The following FAM199X variants were observed in gnomAD, a reference collection of about 807,000 sequenced individuals.
FAM199X encodes family with sequence similarity 199, X-linked.
A neutral mutation model predicts 22.9 loss-of-function variants in FAM199X; 4 were observed. The ratio of observed to expected loss-of-function variants is 0.17; its 90% confidence interval spans 0.09 to 0.40. The LOEUF (loss-of-function observed/expected upper bound fraction) is 0.40. Ranked by LOEUF, FAM199X falls within the 10% of genes least tolerant of loss-of-function variation. The pLI is 1.00. For synonymous variants in FAM199X, 101 were observed against 112.3 expected, an observed-to-expected ratio of 0.90 and a Z score of 0.64; for missense variants, 183 against 306.8, an observed-to-expected ratio of 0.60 and a Z score of 3.01.
chrX:104,186,953 A>G (rs901941192), intron 4 of FAM199X, among the ~76,000 whole-genome samples: 11 of 111,894 alleles, frequency 9.8e-5, no homozygotes, highest in Non-Finnish European at 1.3e-4. Context: ...TCAAAATACT[A>G]ATTAATGAGA....
intron 1 of FAM199X, among the ~76,000 whole-genome samples, chrX:104,167,533 G>A (rs1197366314): frequency 9.2e-6 from 1 of 108,380 alleles, no homozygotes; most frequent in African/African-American, 3.4e-5. Context: ...TTTTAGTTGA[G>A]CGCTAGGAAA....
At chrX:104,178,973 T>C (rs1921568519) in intron 2 of FAM199X, among the ~76,000 whole-genome samples, 1 of 110,938 alleles carries the variant, frequency 9.0e-6, no homozygotes, top group Non-Finnish European at 1.9e-5. Flanking sequence ...TTAAAAAAAA[T>C]GCAAAAATTT....
intron 2 of FAM199X, among the ~76,000 whole-genome samples, chrX:104,181,428 C>T (rs1329604982): frequency 8.9e-6 from 1 of 112,121 alleles, no homozygotes; most frequent in African/African-American, 3.2e-5. Flanking sequence ...GACTACTTGA[C>T]ATTTCCACTT....
At chrX:104,160,889 A>G in the FAM199X span, among the ~76,000 whole-genome samples, 1 of 111,546 alleles carries the variant, frequency 9.0e-6, no homozygotes, top group Non-Finnish European at 1.9e-5. Flanking sequence ...TAAATAATGT[A>G]TAGTCACTGA....
At chrX:104,173,060 C>T (rs1241184006) in intron 1 of FAM199X, among the ~76,000 whole-genome samples, 1 of 111,381 alleles carries the variant, frequency 9.0e-6, no homozygotes, top group Non-Finnish European at 1.9e-5. Context: ...CCACAGACTC[C>T]TGGGCTCCAG....
intron 1 of FAM199X, among the ~76,000 whole-genome samples, chrX:104,170,908 C>G (rs946321541): frequency 9.0e-6 from 1 of 111,604 alleles, no homozygotes; most frequent in East Asian, 2.8e-4. Flanking sequence ...TGTTGGACTC[C>G]AGAATAGCAG....
At chrX:104,178,815 T>C (rs1194722390) in intron 2 of FAM199X, among the ~76,000 whole-genome samples, 2 of 111,918 alleles carry the variant, frequency 1.8e-5, no homozygotes, top group African/African-American at 6.5e-5. Context: ...GAAATTGAGA[T>C]GTGTTAGTTC....
upstream of FAM199X, among the ~76,000 whole-genome samples, chrX:104,164,846 C>T (rs919770313): frequency 1.2e-4 from 13 of 111,520 alleles, no homozygotes; most frequent in African/African-American, 4.3e-4. Flanking sequence ...CCCCAATACA[C>T]TCTAGCCTGA....
At chrX:104,189,154 GA>G (rs1384799234) in intron 5 of FAM199X, among the ~76,000 whole-genome samples, 2 of 95,031 alleles carry the variant, frequency 2.1e-5, no homozygotes, top group African/African-American at 3.3e-5. Context: ...AAAAAGGCAT[GA>G]TTTTTTTTTT....
intron 1 of FAM199X, among the ~76,000 whole-genome samples, chrX:104,171,780 A>G (rs150799693): frequency 0.018 from 2,043 of 112,268 alleles, 33 homozygotes; most frequent in Non-Finnish European, 0.026. Context: ...TAAAAATACC[A>G]TTCAGATATA....
intron 1 of FAM199X, among the ~76,000 whole-genome samples, chrX:104,172,602 C>T (rs926619836): frequency 5.4e-5 from 6 of 110,576 alleles, no homozygotes; most frequent in Non-Finnish European, 9.4e-5. Context: ...ATCTGAGAAA[C>T]ACATTGACTT....
At chrX:104,175,592 T>C in intron 1 of FAM199X, 31 bp from the exon 2 acceptor site, 1 of 1,119,907 alleles carries the variant, frequency 8.9e-7, no homozygotes, top group South Asian at 1.9e-5. Flanking sequence ...TCTGTAGTTC[T>C]CTTGATTTCT....
intron 1 of FAM199X, among the ~76,000 whole-genome samples, chrX:104,168,320 A>G (rs1400968855): frequency 1.8e-5 from 2 of 112,341 alleles, no homozygotes; most frequent in African/African-American, 6.5e-5. Context: ...AAGCAAATCC[A>G]AGACTATTCC....
upstream of FAM199X, among the ~76,000 whole-genome samples, chrX:104,164,165 G>A (rs1163863602): frequency 8.9e-6 from 1 of 112,493 alleles, no homozygotes; most frequent in Non-Finnish European, 1.9e-5. Context: ...TATATATGAT[G>A]AAACAAAACT....
chrX:104,183,138 G>C (rs1197093520), intron 2 of FAM199X, among the ~76,000 whole-genome samples: 2 of 111,314 alleles, frequency 1.8e-5, no homozygotes, highest in Non-Finnish European at 3.8e-5. Context: ...AGATTTAGGT[G>C]AATTTTTTTT....
At chrX:104,157,938 T>C in the FAM199X span, among the ~76,000 whole-genome samples, 2 of 112,646 alleles carry the variant, frequency 1.8e-5, no homozygotes, top group Admixed American at 9.4e-5. Flanking sequence ...TGTTATTGCT[T>C]CATCCTCACA....
In FAM199X at chrX:104,188,147, T is replaced by C. The variant is rs1348494820; in HGVS notation, c.837T>C (p.Ser279=). The C allele has an allele frequency of 2.3e-5, 28 of 1,210,039 alleles. No individual in the cohort carries two copies. The highest frequency in any genetic ancestry group is 3.1e-5 in the Non-Finnish European group (28 of 895,355). Residue 279 remains serine (S), a synonymous_variant, in exon 5 of 6, where the codon AGT becomes AGC. Coordinates refer to ENST00000493442, the MANE Select transcript of FAM199X (RefSeq NM_207318.4). ...GCACCAGTGGAGTGAGCGGTGCCAG[T>C]GCCAGCGCCAGCAGCAGCAGTGCCA... ...CASTSGVSGA[S]ASASSSSASM...
chrX:104,166,624 C>T lies in FAM199X; in HGVS notation c.-162C>T, dbSNP rs1921197930. The T allele has an allele frequency of 2.2e-6, 1 of 448,137 alleles. No individual in the cohort carries two copies. 36.9% of individuals were successfully genotyped at this position (448,137 alleles called of 1,213,427 possible). On this transcript the variant is annotated 5_prime_UTR_variant, in exon 1 of 6. Coordinates refer to ENST00000493442, the MANE Select transcript of FAM199X (RefSeq NM_207318.4). The stretch of plus-strand genomic sequence containing the variant: ...AGCAGCCTCTTCGCGCGGCCCCGCA[C>T]CCCGGCAAGCAGCAGCGGGCCGCGA...
At chrX:104,186,324 T>A in intron 3 of FAM199X, 109 bp downstream of exon 3, 2 of 1,090,220 alleles carry the variant, frequency 1.8e-6, no homozygotes, top group Middle Eastern at 2.7e-4. Flanking sequence ...TTAGTAAATC[T>A]GAATTTGAGC....
Sources: gnomAD v4.1 joint callset for allele counts (sites outside exome capture counted in the v4.1 genomes callset) on GRCh38, gnomAD v4.1.1 for gene constraint, MANE v1.5 for transcripts, NCBI Gene and HGNC (gene_info 2026-07-23, HGNC 2026-07-21) for gene names.